The following ETV6 variants were observed in gnomAD, a reference collection of about 807,000 sequenced individuals.
The protein encoded by ETV6 is ETS variant transcription factor 6.
In ETV6, 16 loss-of-function variants were observed where a neutral mutation model predicts 51.1. That is an observed-to-expected ratio of 0.31 (90% CI 0.21 to 0.48). The LOEUF (loss-of-function observed/expected upper bound fraction) is 0.48. Ranked by LOEUF, ETV6 falls within the 20% of genes least tolerant of loss-of-function variation. The pLI is 0.99. For synonymous variants in ETV6, 240 were observed against 224.1 expected (o/e 1.07, Z -0.64); for missense variants, 458 against 594.8 (o/e 0.77, Z 2.39).
intron 1 of ETV6, among the ~76,000 whole-genome samples, chr12:11,718,053 A>G (rs1392821711): frequency 1.3e-5 from 2 of 152,242 alleles, no homozygotes; most frequent in East Asian, 1.9e-4. Context: ...GTCAGGTTTT[A>G]TATAAATCAG....
chr12:11,795,223 G>A (rs544381100), intron 2 of ETV6, among the ~76,000 whole-genome samples: 1 of 152,250 alleles, frequency 6.6e-6, no homozygotes. Context: ...CTGTTATTTG[G>A]TTAAAGCAGA....
intron 2 of ETV6, among the ~76,000 whole-genome samples, chr12:11,803,572 G>A (rs1337445317): frequency 6.6e-6 from 1 of 152,206 alleles, no homozygotes; most frequent in African/African-American, 2.4e-5. Flanking sequence ...GATGCTGCAT[G>A]TAATGTACTT....
At chr12:11,729,939 G>A (rs567648731) in intron 1 of ETV6, among the ~76,000 whole-genome samples, 9 of 152,200 alleles carry the variant, frequency 5.9e-5, no homozygotes, top group Admixed American at 5.2e-4. Context: ...ATTCACAAAG[G>A]CATTTAATTT....
At chr12:11,810,338 G>GA (rs1456398723) in intron 2 of ETV6, among the ~76,000 whole-genome samples, 1 of 152,134 alleles carries the variant, frequency 6.6e-6, no homozygotes, top group Non-Finnish European at 1.5e-5. Flanking sequence ...GTAAACCCGT[G>GA]AAGAAAAGCA....
chr12:11,733,349 AG>A (rs1357272609), intron 1 of ETV6, among the ~76,000 whole-genome samples: 2 of 136,708 alleles, frequency 1.5e-5, no homozygotes, highest in African/African-American at 5.6e-5. Flanking sequence ...CAGAGCTTGC[AG>A]TGAGCCGAGA....
chr12:11,806,079 G>A (rs1945825818), intron 2 of ETV6, among the ~76,000 whole-genome samples: 1 of 152,152 alleles, frequency 6.6e-6, no homozygotes, highest in Admixed American at 6.5e-5. Flanking sequence ...GGCTAGAATT[G>A]TAAAGAAAAA....
chr12:11,693,230 A>T (rs1478812374), intron 1 of ETV6, among the ~76,000 whole-genome samples: 2 of 152,100 alleles, frequency 1.3e-5, no homozygotes, highest in South Asian at 4.1e-4. Context: ...AGTTAAAGGC[A>T]TGGGAGAACA....
chr12:11,839,715 A>G (rs1323298128), intron 3 of ETV6, among the ~76,000 whole-genome samples: 1 of 152,130 alleles, frequency 6.6e-6, no homozygotes, highest in Non-Finnish European at 1.5e-5. Flanking sequence ...CCTCAACTCT[A>G]CAGAAATTTT....
chr12:11,863,318 C>A (rs1290676176), intron 4 of ETV6, among the ~76,000 whole-genome samples: 1 of 152,072 alleles, frequency 6.6e-6, no homozygotes, highest in African/African-American at 2.4e-5. Flanking sequence ...GAAAATTACC[C>A]CACTTAAAGT....
intron 7 of ETV6, among the ~76,000 whole-genome samples, chr12:11,887,262 A>G (rs1165902600): frequency 6.6e-6 from 1 of 152,120 alleles, no homozygotes; most frequent in Non-Finnish European, 1.5e-5. Flanking sequence ...TCGTGGATGA[A>G]CTGATCCCGA....
At chr12:11,763,532 A>T (rs753761253) in intron 2 of ETV6, among the ~76,000 whole-genome samples, 1 of 152,236 alleles carries the variant, frequency 6.6e-6, no homozygotes, top group African/African-American at 2.4e-5. Context: ...CTCTGATCAA[A>T]TAGATTTTGG....
chr12:11,886,721 A>G (rs1030531882), intron 7 of ETV6, among the ~76,000 whole-genome samples: 1 of 152,206 alleles, frequency 6.6e-6, no homozygotes, highest in Non-Finnish European at 1.5e-5. Flanking sequence ...GCCACCACAT[A>G]GATTGTAATT....
At chr12:11,739,726 T>C (rs1165804112) in intron 1 of ETV6, among the ~76,000 whole-genome samples, 1 of 152,250 alleles carries the variant, frequency 6.6e-6, no homozygotes, top group Non-Finnish European at 1.5e-5. Context: ...TTTGGCCACA[T>C]TGAGTTAGGT....
chr12:11,747,830 C>T (rs1865936218), intron 1 of ETV6, among the ~76,000 whole-genome samples: 1 of 152,156 alleles, frequency 6.6e-6, no homozygotes, highest in African/African-American at 2.4e-5. Flanking sequence ...TTAATAAAAG[C>T]TTACTTAATG....
chr12:11,701,955 A>C (rs1466461965), intron 1 of ETV6, among the ~76,000 whole-genome samples: 1 of 152,222 alleles, frequency 6.6e-6, no homozygotes, highest in Admixed American at 6.5e-5. Context: ...AAGAATCGCA[A>C]GGACAGCCTG....
chr12:11,748,316 C>A, intron 1 of ETV6, among the ~76,000 whole-genome samples: 1 of 152,200 alleles, frequency 6.6e-6, no homozygotes, highest in Non-Finnish European at 1.5e-5. Context: ...GGGATAGGGA[C>A]AATTTCCAGG....
intron 2 of ETV6, among the ~76,000 whole-genome samples, chr12:11,794,288 A>G (rs1158280706): frequency 6.6e-6 from 1 of 152,190 alleles, no homozygotes; most frequent in African/African-American, 2.4e-5. Flanking sequence ...AAAGACAAGG[A>G]AGATGCTTCC....
chr12:11,884,663 G>T (rs1053071997), intron 6 of ETV6, 76 bp downstream of exon 6: 19 of 1,568,244 alleles, frequency 1.2e-5, no homozygotes, highest in Non-Finnish European at 3.5e-6. Context: ...GAGGATAATC[G>T]TCTGTCTTCT....
At chr12:11,843,350 A>G (rs1465662169) in intron 3 of ETV6, among the ~76,000 whole-genome samples, 1 of 152,226 alleles carries the variant, frequency 6.6e-6, no homozygotes. Flanking sequence ...GTTTCTTCTG[A>G]CATGGGCTTT....
Sources: gnomAD v4.1 joint callset for allele counts (sites outside exome capture counted in the v4.1 genomes callset) on GRCh38, gnomAD v4.1.1 for gene constraint, MANE v1.5 for transcripts, NCBI Gene and HGNC (gene_info 2026-07-23, HGNC 2026-07-21) for gene names.